The following NTM variants were observed in gnomAD, a reference collection of about 807,000 sequenced individuals.
NTM encodes the protein IgLON family member 2.
A neutral mutation model predicts 42.1 loss-of-function variants in NTM; 13 were observed. That is an observed-to-expected ratio of 0.31 (90% CI 0.20 to 0.49). The LOEUF (loss-of-function observed/expected upper bound fraction) is 0.49. Ranked by LOEUF, NTM falls within the 20% of genes least tolerant of loss-of-function variation. NTM has a pLI of 0.99. For missense variants in NTM, 373 were observed against 452.8 expected, an observed-to-expected ratio of 0.82 and a Z score of 1.60; for synonymous variants, 187 against 179.2, an observed-to-expected ratio of 1.04 and a Z score of -0.35.
chr11:131,838,357 C>A (rs1592194914), intron 1 of NTM, among the ~76,000 whole-genome samples: 1 of 152,128 alleles, frequency 6.6e-6, no homozygotes, highest in Non-Finnish European at 1.5e-5. Context: ...GTGTCCACCT[C>A]CTTAGTGATT....
chr11:131,620,929 C>CT (rs2062463309), intron 1 of NTM, among the ~76,000 whole-genome samples: 2 of 152,176 alleles, frequency 1.3e-5, no homozygotes, highest in South Asian at 4.1e-4. Context: ...ATAGCTACTT[C>CT]TTAAATGAAT....
At chr11:131,758,739 C>G (rs1222104750) in intron 1 of NTM, among the ~76,000 whole-genome samples, 1 of 151,980 alleles carries the variant, frequency 6.6e-6, no homozygotes, top group Non-Finnish European at 1.5e-5. Flanking sequence ...ATTACAGGCA[C>G]ACACCACCGT....
In NTM at chr11:131,504,781, G is replaced by A. The variant is rs140489418; in HGVS notation, c.82+133893G>A. ...CTATTGATTGATCTGTAAATTTCCCGCACTGTGCATCCATCAGCCGTCCAC... is the reference window on the plus strand; with the variant it reads ...CTATTGATTGATCTGTAAATTTCCCACACTGTGCATCCATCAGCCGTCCAC... On this transcript the variant is annotated intron_variant, in intron 1 of 8. Transcript: ENST00000683400. Among the ~76,000 whole-genome samples, 58 of 151,970 alleles carry A rather than the reference G, an allele frequency of 3.8e-4. 1 individual carries two copies. The highest frequency in any genetic ancestry group is 6.3e-4 in the Non-Finnish European group (43 of 67,980).
chr11:131,881,669 A>G (rs544282842), intron 1 of NTM, among the ~76,000 whole-genome samples: 17 of 152,308 alleles, frequency 1.1e-4, no homozygotes, highest in African/African-American at 3.6e-4. Flanking sequence ...GAAGAGAGAA[A>G]GATATCCCCA....
intron 2 of NTM, among the ~76,000 whole-genome samples, chr11:131,979,033 C>T (rs1028916000): frequency 1.3e-5 from 2 of 152,048 alleles, no homozygotes; most frequent in Admixed American, 1.3e-4. Context: ...GTAAATCGCT[C>T]GCTCTTGGGT....
At chr11:131,789,870 G>A (rs532041414) in intron 1 of NTM, among the ~76,000 whole-genome samples, 1 of 149,664 alleles carries the variant, frequency 6.7e-6, no homozygotes, top group Non-Finnish European at 1.5e-5. Context: ...GCAGGAGAAT[G>A]GCGTGAACCC....
At chr11:131,594,484 C>T (rs2059645576) in intron 1 of NTM, among the ~76,000 whole-genome samples, 1 of 152,046 alleles carries the variant, frequency 6.6e-6, no homozygotes, top group African/African-American at 2.4e-5. Flanking sequence ...CAACCTCCGC[C>T]TCCCAAGCTC....
chr11:131,774,670 C>T (rs975723873), intron 1 of NTM, among the ~76,000 whole-genome samples: 1 of 152,118 alleles, frequency 6.6e-6, no homozygotes. Context: ...CTACAACTTG[C>T]CATTAAGGGA....
chr11:131,725,139 A>G (rs704629), intron 1 of NTM, among the ~76,000 whole-genome samples: 19,987 of 152,222 alleles, frequency 0.13, 1,676 homozygotes, highest in Middle Eastern at 0.22. Context: ...TCTGTTGGCA[A>G]TGAAGGCCAT....
rs1350616007 is a variant in NTM at position 131,660,311 on chromosome 11, A to G, written c.83-251253A>G. 9 of 360,044 alleles carry G rather than the reference A, an allele frequency of 2.5e-5. No homozygotes were observed. The East Asian group carries it at 6.0e-4, about 24-fold the overall frequency. The allele number at this position is 360,044 out of a possible 1,614,324, so 22.3% of individuals were successfully genotyped here. On this transcript the variant is annotated intron_variant, in intron 1 of 8. Transcript: ENST00000683400. Reference sequence around the variant, plus strand: ...CTGTAGAAGCAGGTCTGAAAGACAGATGCTGCAGGATGAAGAGGGGGATGG... The same window carrying G: ...CTGTAGAAGCAGGTCTGAAAGACAGGTGCTGCAGGATGAAGAGGGGGATGG...
At chr11:131,779,271 A>G (rs1463149075) in intron 1 of NTM, among the ~76,000 whole-genome samples, 1 of 152,208 alleles carries the variant, frequency 6.6e-6, no homozygotes, top group Admixed American at 6.5e-5. Context: ...GGGCAGATTT[A>G]GAGCAGAGAA....
intron 2 of NTM, among the ~76,000 whole-genome samples, chr11:132,132,025 C>T (rs750602149): frequency 5.9e-5 from 9 of 152,156 alleles, no homozygotes; most frequent in Admixed American, 1.3e-4. Context: ...CAAGAGTTTC[C>T]GTAAAGGACT....
intron 2 of NTM, among the ~76,000 whole-genome samples, chr11:132,026,752 T>G (rs1432283131): frequency 3.9e-5 from 6 of 152,194 alleles, no homozygotes; most frequent in Non-Finnish European, 8.8e-5. Flanking sequence ...AGGAGAAGTG[T>G]TGGGGAAAGG....
intron 1 of NTM, among the ~76,000 whole-genome samples, chr11:131,678,178 A>G (rs2071766228): frequency 6.6e-6 from 1 of 152,170 alleles, no homozygotes; most frequent in Non-Finnish European, 1.5e-5. Flanking sequence ...CCGGGGTTTG[A>G]GGGAGGAGAG....
At chr11:131,798,408 C>T (rs116992478) in intron 1 of NTM, among the ~76,000 whole-genome samples, 3,068 of 152,282 alleles carry the variant, frequency 0.02, 43 homozygotes, top group Admixed American at 0.031. Context: ...CATCTGTCCT[C>T]CCGTGGCCTC....
At chr11:131,598,742 TC>T in intron 1 of NTM, among the ~76,000 whole-genome samples, 1 of 91,976 alleles carries the variant, frequency 1.1e-5, no homozygotes, top group African/African-American at 3.8e-5. Flanking sequence ...TTTCTTTCTT[TC>T]TTTCTTTCTT....
At chr11:131,527,359 A>G (rs922622575) in intron 1 of NTM, among the ~76,000 whole-genome samples, 111 of 152,082 alleles carry the variant, frequency 7.3e-4, no homozygotes, top group Non-Finnish European at 8.8e-5. Context: ...TAGTTCTATA[A>G]CCAACAGCTT....
At chr11:132,085,222 T>A (rs2059555659) in intron 2 of NTM, among the ~76,000 whole-genome samples, 2 of 152,250 alleles carry the variant, frequency 1.3e-5, no homozygotes, top group Admixed American at 1.3e-4. Context: ...TTACTGTTCT[T>A]ATACACCTTG....
intron 1 of NTM, among the ~76,000 whole-genome samples, chr11:131,641,608 G>T (rs1431206068): frequency 6.6e-6 from 1 of 152,166 alleles, no homozygotes; most frequent in Non-Finnish European, 1.5e-5. Flanking sequence ...GAAGCTATGG[G>T]TTGCCAACCT....
Sources: allele counts gnomAD v4.1 joint callset (sites outside exome capture counted in the v4.1 genomes callset), GRCh38; gene constraint gnomAD v4.1.1; transcripts MANE v1.5; gene names NCBI Gene and HGNC (gene_info 2026-07-23, HGNC 2026-07-21).